The following THADA variants were observed in gnomAD, a reference collection of about 807,000 sequenced individuals.
The protein encoded by THADA is tRNA (32-2'-O)-methyltransferase regulator THADA.
A neutral mutation model predicts 219.8 loss-of-function variants in THADA; 213 were observed. That is an observed-to-expected ratio of 0.97 (90% confidence interval 0.87 to 1.09). The LOEUF is 1.09. Ranked by LOEUF, THADA falls within the 50% of genes least tolerant of loss-of-function variation. THADA has a pLI of 0.00. For synonymous variants in THADA, 1,018 were observed against 828.9 expected, an observed-to-expected ratio of 1.23 and a Z score of -3.92; for missense variants, 2,956 against 2,311.3, an observed-to-expected ratio of 1.28 and a Z score of -5.72.
chr2:43,472,578 G>A lies in THADA; in HGVS notation c.3836+12656C>T, dbSNP rs898049024. On this transcript the variant is annotated intron_variant, in intron 26 of 37. Coordinates refer to ENST00000405975, the MANE Select transcript of THADA (RefSeq NM_022065.5). ...GTGCTAGGTTTCTGGGGAAAACCGG[G>A]CACTTGTCACTCTTAAAGGCCAGTG... Among the ~76,000 whole-genome samples, 6 of 152,252 alleles carry A rather than the reference G, an allele frequency of 3.9e-5. No individual in the cohort carries two copies. The South Asian group carries it at 1.2e-3, about 32-fold the overall frequency.
At chr2:43,330,042 A>G (rs1344405699) in intron 30 of THADA, among the ~76,000 whole-genome samples, 1 of 152,178 alleles carries the variant, frequency 6.6e-6, no homozygotes, top group Non-Finnish European at 1.5e-5. Flanking sequence ...GCCTAAGGAA[A>G]TTACAGGCCA....
At chr2:43,545,014 G>C (rs1695835241) in intron 20 of THADA, among the ~76,000 whole-genome samples, 1 of 152,158 alleles carries the variant, frequency 6.6e-6, no homozygotes. Context: ...CTGTGGGTTT[G>C]TCACAGATAG....
intron 26 of THADA, among the ~76,000 whole-genome samples, chr2:43,478,472 C>T (rs1027636839): frequency 6.6e-6 from 1 of 152,138 alleles, no homozygotes; most frequent in Non-Finnish European, 1.5e-5. Flanking sequence ...ATCTCATACT[C>T]CTGGAAGCAA....
intron 35 of THADA, among the ~76,000 whole-genome samples, chr2:43,285,527 A>G (rs1425644940): frequency 2.0e-5 from 3 of 151,486 alleles, no homozygotes; most frequent in African/African-American, 7.3e-5. Context: ...CTGTGAGTCA[A>G]TTAAACCTCT....
intron 35 of THADA, among the ~76,000 whole-genome samples, chr2:43,285,397 TC>T (rs1192883633): frequency 6.6e-6 from 1 of 152,160 alleles, no homozygotes; most frequent in Non-Finnish European, 1.5e-5. Flanking sequence ...TGGCACTTCT[TC>T]CTGCTCTCTC....
At chr2:43,528,080 G>A (rs903470316) in intron 21 of THADA, 92 bp from the exon 22 acceptor site, 2 of 830,480 alleles carry the variant, frequency 2.4e-6, no homozygotes, top group African/African-American at 3.5e-5. Context: ...CCAGGTCTAG[G>A]GGTCCATTCA....
At chr2:43,452,037 G>A (rs937395884) in intron 26 of THADA, among the ~76,000 whole-genome samples, 18 of 152,184 alleles carry the variant, frequency 1.2e-4, no homozygotes, top group Admixed American at 7.2e-4. Flanking sequence ...AACCCAGGAG[G>A]TAGAGGTTGC....
At chr2:43,269,760 A>G (rs927204886) in intron 36 of THADA, among the ~76,000 whole-genome samples, 2 of 152,230 alleles carry the variant, frequency 1.3e-5, no homozygotes, top group Non-Finnish European at 1.5e-5. Flanking sequence ...CCACTGGTTC[A>G]CAGTGGGTTA....
chr2:43,244,091 T>A (rs1188718448), intron 36 of THADA, among the ~76,000 whole-genome samples: 1 of 152,228 alleles, frequency 6.6e-6, no homozygotes, highest in African/African-American at 2.4e-5. Context: ...ACTATGATTT[T>A]AAAAATGTGG....
intron 25 of THADA, among the ~76,000 whole-genome samples, chr2:43,490,763 T>C (rs1281650037): frequency 6.6e-6 from 1 of 152,298 alleles, no homozygotes; most frequent in East Asian, 1.9e-4. Context: ...ATCTAATTTA[T>C]AAATTAAACT....
intron 31 of THADA, among the ~76,000 whole-genome samples, chr2:43,302,987 T>TATCATTTTGCTATAGC: frequency 4.6e-5 from 7 of 152,134 alleles, no homozygotes; most frequent in Admixed American, 4.6e-4. Flanking sequence ...TTTGCTATAG[T>TATCATTTTGCTATAGC]ATCATTTTGC....
intron 13 of THADA, 91 bp from the exon 14 acceptor site, chr2:43,570,601 G>C: frequency 7.6e-7 from 1 of 1,322,146 alleles, no homozygotes; most frequent in Non-Finnish European, 1.0e-6. Flanking sequence ...TAAAACTTCA[G>C]GCAAGAAGAG....
intron 30 of THADA, among the ~76,000 whole-genome samples, chr2:43,331,282 A>G (rs1333601936): frequency 3.9e-5 from 6 of 152,222 alleles, no homozygotes; most frequent in Admixed American, 1.3e-4. Flanking sequence ...GTGCATACAG[A>G]TATCTCTATT....
At position 43,571,646 on chromosome 2, in the gene THADA, T is replaced by C. The variant is rs76817483; in HGVS notation, c.2064+61A>G. 3.2e-3 allele frequency: 4,881 copies of C among 1,545,656 alleles called. 85 individuals are homozygous for C. In the African/African-American group the frequency reaches 0.046, roughly 15 times the overall value. On this transcript the variant is annotated intron_variant, in intron 13 of 37. Transcript: ENST00000405975. ...ACGCTCCCAAAATCTGGGCTCTTTT[T>C]AAAAACGATTTCCCAAACAAAGTTC...
chr2:43,337,694 TACACACACACAC>T (rs139544201), intron 30 of THADA, among the ~76,000 whole-genome samples: 2 of 146,302 alleles, frequency 1.4e-5, no homozygotes, highest in Non-Finnish European at 3.0e-5. Flanking sequence ...CACACACTCA[TACACACACACAC>T]ACACACACAC....
chr2:43,234,443 G>C (rs995029731), intron 36 of THADA, among the ~76,000 whole-genome samples: 4 of 152,134 alleles, frequency 2.6e-5, no homozygotes, highest in Admixed American at 2.6e-4. Context: ...TGCTTGCTCT[G>C]CAGCCTAGAA....
chr2:43,419,098 C>T (rs936055679), intron 28 of THADA, among the ~76,000 whole-genome samples: 2 of 152,068 alleles, frequency 1.3e-5, no homozygotes, highest in East Asian at 1.9e-4. Flanking sequence ...AGAACCCACA[C>T]CTGATGGCCT....
intron 28 of THADA, among the ~76,000 whole-genome samples, chr2:43,421,006 T>G (rs909627671): frequency 6.6e-6 from 1 of 152,228 alleles, no homozygotes; most frequent in Non-Finnish European, 1.5e-5. Context: ...CAATCTCTGC[T>G]TCTAGATCCT....
In THADA at chr2:43,263,764, G is replaced by A. The variant is rs141786927; in HGVS notation, c.5296+16001C>T. Among the ~76,000 whole-genome samples, 895 of 152,266 alleles carry A rather than the reference G, an allele frequency of 5.9e-3. 8 individuals carry two copies. Among genetic ancestry groups the A allele is most frequent in the African/African-American group, 0.017 (715 of 41,548 alleles). On this transcript the variant is annotated intron_variant, in intron 36 of 37. Transcript: ENST00000405975. ...TTTATTTTTAAGTTCCAGGGTACAT[G>A]TGCAGGAAGTGCAGGTTTGTTACAA...
Sources: allele counts gnomAD v4.1 joint callset (sites outside exome capture counted in the v4.1 genomes callset), GRCh38; gene constraint gnomAD v4.1.1; transcripts MANE v1.5; gene names NCBI Gene and HGNC (gene_info 2026-07-23, HGNC 2026-07-21).